Variants in HECTD4 observed in about 807,000 individuals in gnomAD.
HECTD4 encodes the protein HECT domain E3 ubiquitin protein ligase 4.
Under a neutral mutation model 471.5 loss-of-function variants are expected in HECTD4, and 114 were observed. That is an observed-to-expected ratio of 0.24 (90% CI 0.21 to 0.28). The LOEUF (loss-of-function observed/expected upper bound fraction) is 0.28. HECTD4 is among the 10% of genes least tolerant of loss of function. HECTD4 has a pLI of 1.00. For synonymous variants in HECTD4, 2,012 were observed against 2,256.0 expected (o/e 0.89, Z 3.07); for missense variants, 3,866 against 5,651.5 (o/e 0.68, Z 10.13).
chr12:112,270,189 T>C (rs2034382331), intron 12 of HECTD4, 38 bp downstream of exon 12: 9 of 1,565,270 alleles, frequency 5.7e-6, no homozygotes, highest in Non-Finnish European at 7.9e-6. Context: ...CGTTTCCTTT[T>C]CTCTATCATC....
chr12:112,316,265 C>T (rs1387137407), intron 2 of HECTD4, among the ~76,000 whole-genome samples: 1 of 152,194 alleles, frequency 6.6e-6, no homozygotes, highest in African/African-American at 2.4e-5. Flanking sequence ...TGCTTCTCAT[C>T]ATCCAGGGCC....
At chr12:112,363,022 C>T (rs1350448091) in intron 1 of HECTD4, among the ~76,000 whole-genome samples, 1 of 151,928 alleles carries the variant, frequency 6.6e-6, no homozygotes, top group African/African-American at 2.4e-5. Flanking sequence ...TTTTCTACAT[C>T]TTCTAAATTT....
intron 1 of HECTD4, among the ~76,000 whole-genome samples, chr12:112,343,021 CAA>C (rs2036079725): frequency 6.6e-6 from 1 of 152,116 alleles, no homozygotes; most frequent in African/African-American, 2.4e-5. Context: ...TAAAATGAAA[CAA>C]GTTTCCTTCT....
intron 62 of HECTD4, among the ~76,000 whole-genome samples, chr12:112,180,290 G>A (rs1292409613): frequency 6.6e-6 from 1 of 152,216 alleles, no homozygotes; most frequent in East Asian, 1.9e-4. Context: ...GCTCACACCT[G>A]TAATCCCAGC....
At position 112,179,841 on chromosome 12, in the gene HECTD4, CAAGTATTTT is replaced by C. The variant is rs1159875840; in HGVS notation, c.10988-453_10988-445del. Among the ~76,000 whole-genome samples the C allele has an allele frequency of 6.6e-6, 1 of 152,180 alleles. No homozygotes were observed. Among genetic ancestry groups the C allele is most frequent in the East Asian group, 1.9e-4 (1 of 5,202 alleles). On this transcript the variant is annotated intron_variant, in intron 62 of 75. Coordinates refer to ENST00000682272, the MANE Select transcript of HECTD4 (RefSeq NM_001388303.1). The surrounding 1 kb of genome is among the most constrained non-coding windows in gnomAD (Gnocchi z 4.3). ...ATAATCCCAGAGGATAGATAGCCAG[CAAGTATTTT>C]TAGTGGGAAGTACAACTTGTTAAAC...
At chr12:112,290,720 T>A (rs1408441465) in intron 7 of HECTD4, among the ~76,000 whole-genome samples, 1 of 151,646 alleles carries the variant, frequency 6.6e-6, no homozygotes, top group Non-Finnish European at 1.5e-5. Context: ...TGGTGGTGTA[T>A]GCCTGTAGTC....
chr12:112,203,789 GA>G lies in HECTD4; in HGVS notation c.8270-18del. 1 of 1,520,800 alleles carries G rather than the reference GA, an allele frequency of 6.6e-7. No homozygotes were observed. Among genetic ancestry groups the G allele is most frequent in the Non-Finnish European group, 8.9e-7 (1 of 1,128,106 alleles). The allele number at this position is 1,520,800 out of a possible 1,614,324, so 94.2% of individuals were successfully genotyped here. On this transcript the variant is annotated intron_variant, in intron 53 of 75. Coordinates refer to ENST00000682272, the MANE Select transcript of HECTD4 (RefSeq NM_001388303.1). ...CTGTGAGACCTGAGGAGTGTAGAGG[GA>G]GAAGTTTTTCAGGAAAAAGTACCAC...
chr12:112,218,962 G>A (rs958686485), intron 45 of HECTD4, among the ~76,000 whole-genome samples: 14 of 151,854 alleles, frequency 9.2e-5, no homozygotes, highest in Admixed American at 3.3e-4. Context: ...TCAAACTTCC[G>A]GCCTCATGTG....
chr12:112,162,922 T>A lies in HECTD4; in HGVS notation c.13120+120A>T. 1.2e-6 allele frequency: 1 copy of A among 819,122 alleles called. No individual in the cohort carries two copies. Among genetic ancestry groups the A allele is most frequent in the South Asian group, 1.7e-5 (1 of 58,996 alleles). The allele number at this position is 819,122 out of a possible 1,614,324, so 50.7% of individuals were successfully genotyped here. The stretch of plus-strand genomic sequence containing the variant: ...GCCCTAATCCTCAATGATGTCTGAG[T>A]TTTGGCACGTGGGGCTCCTGTTCAT... On this transcript the variant is annotated intron_variant, in intron 75 of 75. Coordinates refer to ENST00000682272, the MANE Select transcript of HECTD4 (RefSeq NM_001388303.1). This position sits in a 1 kb window ranked among gnomAD's most constrained non-coding sequence, Gnocchi z 5.2.
chr12:112,289,140 C>T (rs892771745), intron 7 of HECTD4, among the ~76,000 whole-genome samples: 7 of 152,076 alleles, frequency 4.6e-5, no homozygotes, highest in Non-Finnish European at 7.4e-5. Context: ...TGGTGTATCA[C>T]CCAAGCTGGA....
intron 62 of HECTD4, among the ~76,000 whole-genome samples, chr12:112,181,725 G>C (rs1179849382): frequency 2.6e-5 from 4 of 152,232 alleles, no homozygotes; most frequent in African/African-American, 9.6e-5. Flanking sequence ...TTTCCAAAGT[G>C]CTGGGATTAC....
intron 44 of HECTD4, among the ~76,000 whole-genome samples, chr12:112,222,096 G>C (rs1404885047): frequency 6.6e-6 from 1 of 152,004 alleles, no homozygotes; most frequent in Non-Finnish European, 1.5e-5. Context: ...GCTAATTTTT[G>C]TATTTTTAGT....
chr12:112,375,098 T>C (rs1266593857), intron 1 of HECTD4, among the ~76,000 whole-genome samples: 1 of 152,196 alleles, frequency 6.6e-6, no homozygotes, highest in African/African-American at 2.4e-5. Context: ...CCTGCCTCTA[T>C]CCCCAGGTAA....
rs2036880721 is a variant in HECTD4 at position 112,381,218 on chromosome 12, C to T, written c.177+734G>A. ...GGCCAAGCAGCTCAACTGATGAGAT[C>T]TGCTGTTGCACCTGCCACGGCTCTG... On this transcript the variant is annotated intron_variant, in intron 1 of 75. Transcript: ENST00000682272. This position sits in a 1 kb window ranked among gnomAD's most constrained non-coding sequence, Gnocchi z 4.1. 6.6e-6 allele frequency among the ~76,000 whole-genome samples: 1 copy of T among 152,232 alleles called. No homozygotes were observed. The highest frequency in any genetic ancestry group is 2.1e-4 in the South Asian group (1 of 4,832).
chr12:112,238,040 C>G (rs1331408600), intron 34 of HECTD4, among the ~76,000 whole-genome samples: 2 of 152,170 alleles, frequency 1.3e-5, no homozygotes, highest in Non-Finnish European at 2.9e-5. Context: ...AGGCGTGAGC[C>G]ACTGCACCCA....
Position 112,191,524 on chromosome 12 carries a change from C to G in HECTD4, c.9293-559G>C, listed in dbSNP as rs2032077941. Among the ~76,000 whole-genome samples the G allele has an allele frequency of 2.0e-5, 3 of 152,174 alleles. No homozygotes were observed. The South Asian group carries it at 6.2e-4, about 31-fold the overall frequency. On this transcript the variant is annotated intron_variant, in intron 59 of 75. Transcript: ENST00000682272. ...GAAGAAGGTCCAAGGCTTGATCCCC[C>G]TCACATCCTGCACTGCCCCTGAAGC...
chr12:112,338,485 G>C (rs998234154), intron 1 of HECTD4, among the ~76,000 whole-genome samples: 2 of 152,126 alleles, frequency 1.3e-5, no homozygotes, highest in Admixed American at 6.6e-5. Context: ...GCTAGACATG[G>C]TGGTGCGTGC....
Position 112,184,781 on chromosome 12 carries a change from G to A in HECTD4, c.10185C>T (p.His3395=). The A allele has an allele frequency of 6.2e-7, 1 of 1,611,390 alleles. No individual in the cohort carries two copies. Reference sequence around the variant, plus strand: ...TCCCGGAGATCACCAGCAAGCGGCTGTGGGCGGTGGGGCCCACCAGGGCCT... The same window carrying A: ...TCCCGGAGATCACCAGCAAGCGGCTATGGGCGGTGGGGCCCACCAGGGCCT... The part of the protein sequence containing the change: ...ACQALVGPTA[H]SRLLVISGIP... Residue 3395 remains histidine (H), a synonymous_variant, in exon 61 of 76, where the codon CAC becomes CAT. Transcript: ENST00000682272. The surrounding 1 kb of genome is among the most constrained non-coding windows in gnomAD (Gnocchi z 9.1).
chr12:112,271,007 T>G (rs1378960539), intron 11 of HECTD4, among the ~76,000 whole-genome samples: 3 of 152,222 alleles, frequency 2.0e-5, no homozygotes, highest in Non-Finnish European at 4.4e-5. Flanking sequence ...GAATCCACAG[T>G]CTGGAGTTCA....
Sources: gnomAD v4.1 joint callset for allele counts (sites outside exome capture counted in the v4.1 genomes callset) on GRCh38, gnomAD v4.1.1 for gene constraint, Gnocchi (gnomAD v3.1) non-coding constraint, MANE v1.5 for transcripts, NCBI Gene and HGNC (gene_info 2026-07-23, HGNC 2026-07-21) for gene names.